The following GLG1 variants were observed in gnomAD, a reference collection of about 807,000 sequenced individuals.
GLG1 encodes the protein Golgi apparatus protein 1.
A neutral mutation model predicts 160.5 loss-of-function variants in GLG1; 38 were observed. The observed-to-expected ratio is 0.24, with a 90% confidence interval of 0.18 to 0.31. The LOEUF is 0.31. GLG1 is among the 10% of genes least tolerant of loss of function. The pLI, the probability that GLG1 is intolerant of heterozygous loss-of-function variation, is 1.00. For missense variants in GLG1, 1,373 were observed against 1,505.2 expected (o/e 0.91, Z 1.45); for synonymous variants, 644 against 543.4 (o/e 1.19, Z -2.57).
intron 13 of GLG1, 174 bp from the exon 14 acceptor site, chr16:74,472,585 CT>C: frequency 6.7e-7 from 1 of 1,496,868 alleles, no homozygotes; most frequent in Admixed American, 2.0e-5. Flanking sequence ...AGAACTGCTC[CT>C]CCGTTATACT....
chr16:74,469,105 G>A lies in GLG1; in HGVS notation c.2319-42C>T, dbSNP rs376595799. The stretch of plus-strand genomic sequence containing the variant: ...CTTGAGGCTGGCTGGGGCCACACAA[G>A]GGCAGATGGCCTGAGAGCTGGGCTT... On this transcript the variant is annotated intron_variant, in intron 16 of 25. Coordinates refer to ENST00000422840, the MANE Select transcript of GLG1 (RefSeq NM_001145667.2). 4.6e-5 allele frequency: 61 copies of A among 1,338,154 alleles called. No homozygotes were observed. In the African/African-American group the frequency reaches 6.9e-4, roughly 15 times the overall value. The allele number at this position is 1,338,154 out of a possible 1,614,324, so 82.9% of individuals were successfully genotyped here.
At chr16:74,566,943 A>G (rs2018669479) in intron 1 of GLG1, among the ~76,000 whole-genome samples, 1 of 152,200 alleles carries the variant, frequency 6.6e-6, no homozygotes, top group African/African-American at 2.4e-5. Flanking sequence ...GATGTGAATG[A>G]AAAGTATATA....
chr16:74,541,906 G>A (rs2040789464), intron 1 of GLG1, among the ~76,000 whole-genome samples: 1 of 151,308 alleles, frequency 6.6e-6, no homozygotes, highest in Non-Finnish European at 1.5e-5. Context: ...TTCCAGTTTA[G>A]GATATACACA....
rs2014539854 is a variant in GLG1, at chr16:74,456,378, T to C, written c.3372+271A>G. Among the ~76,000 whole-genome samples the C allele has an allele frequency of 2.0e-5, 3 of 152,302 alleles. No individual in the cohort carries two copies. The South Asian group carries it at 6.2e-4, about 32-fold the overall frequency. On this transcript the variant is annotated intron_variant, in intron 25 of 25. Transcript: ENST00000422840. Reference sequence around the variant, plus strand: ...GGTTTCACCGTGTTGGCCAGGTTGGTCTCGATCTCCTGACCTCGTGATCTG... The same window carrying C: ...GGTTTCACCGTGTTGGCCAGGTTGGCCTCGATCTCCTGACCTCGTGATCTG...
At chr16:74,483,993 T>A (rs1260977071) in intron 9 of GLG1, among the ~76,000 whole-genome samples, 1 of 151,076 alleles carries the variant, frequency 6.6e-6, no homozygotes, top group African/African-American at 2.4e-5. Context: ...TTTCACAAGT[T>A]TGTTCAAATC....
At chr16:74,586,902 G>A (rs1184351089) in intron 1 of GLG1, among the ~76,000 whole-genome samples, 9 of 151,894 alleles carry the variant, frequency 5.9e-5, no homozygotes, top group East Asian at 5.8e-4. Flanking sequence ...CACCATGTTC[G>A]TCAGTCTGGT....
chr16:74,499,305 A>C (rs754095892), intron 4 of GLG1, among the ~76,000 whole-genome samples: 10 of 152,120 alleles, frequency 6.6e-5, no homozygotes, highest in Admixed American at 3.9e-4. Context: ...CAGTGGAGGG[A>C]TCACAGCTCA....
chr16:74,472,958 T>C lies in GLG1; in HGVS notation c.2053-547A>G, dbSNP rs879355145. The C allele has an allele frequency of 2.5e-5, 4 of 160,778 alleles. No individual in the cohort carries two copies. In the Admixed American group the frequency reaches 2.5e-4, roughly 10 times the overall value. 10.0% of individuals were successfully genotyped at this position (160,778 alleles called of 1,614,324 possible). On this transcript the variant is annotated intron_variant, in intron 13 of 25. Transcript: ENST00000422840. ...TGCTCTCATAAGTCCATGATGACAA[T>C]GATAATGTGAGAGATGACGACGAAA...
At chr16:74,591,652 C>T (rs554082429) in intron 1 of GLG1, among the ~76,000 whole-genome samples, 1 of 152,054 alleles carries the variant, frequency 6.6e-6, no homozygotes, top group East Asian at 1.9e-4. Context: ...ACTTACAAAC[C>T]AAAAATTTTT....
At chr16:74,561,085 C>T (rs566031543) in intron 1 of GLG1, among the ~76,000 whole-genome samples, 8 of 152,244 alleles carry the variant, frequency 5.3e-5, no homozygotes, top group African/African-American at 1.7e-4. Flanking sequence ...GGGTGCCCAG[C>T]TGGAGGGATG....
At chr16:74,543,186 G>C (rs1253948218) in intron 1 of GLG1, among the ~76,000 whole-genome samples, 2 of 152,102 alleles carry the variant, frequency 1.3e-5, no homozygotes, top group Non-Finnish European at 2.9e-5. Context: ...AGTACAGCTT[G>C]GATTCAGGAA....
In GLG1 at chr16:74,477,516, T is replaced by C; in HGVS notation, c.1845A>G (p.Arg615=). The C allele has an allele frequency of 6.2e-7, 1 of 1,613,516 alleles. No individual in the cohort carries two copies. Residue 615 remains arginine, a synonymous_variant, in exon 12 of 26, where the codon CGA becomes CGG. Transcript: ENST00000422840. ...GGTGTAGGATCCTTTGGACTTCAGC[T>C]CGGCACTCCCGTGAGAGCTGCATGA... ...EQGRRLSREC[R]AEVQRILHQR...
chr16:74,513,307 GC>G (rs1406150549), intron 2 of GLG1, among the ~76,000 whole-genome samples: 2 of 152,108 alleles, frequency 1.3e-5, no homozygotes, highest in African/African-American at 2.4e-5. Context: ...TAGGGTGTGG[GC>G]TAGGGGATGA....
Position 74,508,313 on chromosome 16 carries a change from C to CAA in GLG1, c.558+524_558+525dup, listed in dbSNP as rs35839355. Among the ~76,000 whole-genome samples the CAA allele has an allele frequency of 1.1e-3, 114 of 106,142 alleles. 2 individuals are homozygous for CAA. Among genetic ancestry groups the CAA allele is most frequent in the South Asian group, 3.9e-3 (15 of 3,832 alleles). 69.6% of individuals were successfully genotyped at this position (106,142 alleles called of 152,430 possible). On this transcript the variant is annotated intron_variant, in intron 3 of 25. Coordinates refer to ENST00000422840, the MANE Select transcript of GLG1 (RefSeq NM_001145667.2). The stretch of plus-strand genomic sequence containing the variant: ...CTTCCTGGAGTTTCTATTATTGATT[C>CAA]AAAAAAAAAAAAAACCGTTAAAAAA...
chr16:74,574,746 T>C (rs756879478), intron 1 of GLG1, among the ~76,000 whole-genome samples: 3 of 151,184 alleles, frequency 2.0e-5, no homozygotes, highest in Non-Finnish European at 2.9e-5. Context: ...TAGCTGAGCA[T>C]GGTGGTGCAC....
intron 1 of GLG1, among the ~76,000 whole-genome samples, chr16:74,588,884 T>A (rs1038796384): frequency 6.6e-6 from 1 of 151,938 alleles, no homozygotes; most frequent in East Asian, 1.9e-4. Flanking sequence ...GCAACTTGAC[T>A]AAGAATAATC....
rs542234393 is a variant in GLG1, at chr16:74,502,883, A to G, written c.774+648T>C. Among the ~76,000 whole-genome samples, 280 of 150,336 alleles carry G rather than the reference A, an allele frequency of 1.9e-3. 2 individuals are homozygous for G. Among genetic ancestry groups the G allele is most frequent in the African/African-American group, 6.5e-3 (267 of 41,060 alleles). ...CCGCGCCCGGCCAGTAATTTTTTTT[A>G]TACTAACAGTGGGACATATGCAGAG... On this transcript the variant is annotated intron_variant, in intron 4 of 25. Transcript: ENST00000422840.
chr16:74,457,796 G>C, intron 24 of GLG1, 78 bp downstream of exon 24: 3 of 1,364,806 alleles, frequency 2.2e-6, no homozygotes, highest in Non-Finnish European at 3.1e-6. Flanking sequence ...CACAGTAGCT[G>C]CAACTGATGT....
intron 4 of GLG1, among the ~76,000 whole-genome samples, chr16:74,500,091 A>G (rs527731299): frequency 6.6e-6 from 1 of 152,262 alleles, no homozygotes; most frequent in South Asian, 2.1e-4. Flanking sequence ...TTTTTCAAAT[A>G]AGGGTATTTC....
Sources: allele counts gnomAD v4.1 joint callset (sites outside exome capture counted in the v4.1 genomes callset), GRCh38; gene constraint gnomAD v4.1.1; transcripts MANE v1.5; gene names NCBI Gene and HGNC (gene_info 2026-07-23, HGNC 2026-07-21).